GALNT13: variants seen among roughly 807,000 people sequenced by gnomAD.
The protein encoded by GALNT13 is UDP-GalNAc:polypeptide N-acetylgalactosaminyltransferase 13.
GALNT13 carries 28 observed loss-of-function variants against 64.2 expected under a neutral mutation model. The observed-to-expected ratio is 0.44, with a 90% CI of 0.32 to 0.60. GALNT13 has a LOEUF of 0.60. GALNT13 is among the 20% of genes least tolerant of loss of function. The pLI, the probability that GALNT13 is intolerant of heterozygous loss-of-function variation, is 0.05. For synonymous variants in GALNT13, 214 were observed against 224.6 expected, an observed-to-expected ratio of 0.95 and a Z score of 0.42; for missense variants, 577 against 669.8, an observed-to-expected ratio of 0.86 and a Z score of 1.53.
the GALNT13 span, among the ~76,000 whole-genome samples, chr2:153,569,748 TAGTC>T: frequency 2.0e-5 from 3 of 152,158 alleles, no homozygotes; most frequent in Non-Finnish European, 4.4e-5. Context: ...TTATTAACTA[TAGTC>T]ACTCTGTTAT....
intron 7 of GALNT13, among the ~76,000 whole-genome samples, chr2:154,258,401 G>A (rs529276907): frequency 2.2e-4 from 33 of 151,604 alleles, no homozygotes; most frequent in Non-Finnish European, 3.2e-4. Flanking sequence ...AAATCCTATG[G>A]GATATATGTT....
At chr2:154,069,543 T>C (rs1248820278) in intron 3 of GALNT13, among the ~76,000 whole-genome samples, 1 of 152,024 alleles carries the variant, frequency 6.6e-6, no homozygotes, top group Non-Finnish European at 1.5e-5. Context: ...TTCTAATCTA[T>C]ATTTAAGCAT....
At chr2:153,607,015 A>C in the GALNT13 span, among the ~76,000 whole-genome samples, 1 of 151,946 alleles carries the variant, frequency 6.6e-6, no homozygotes, top group Non-Finnish European at 1.5e-5. Context: ...ATGTTCTTTA[A>C]AGTCCCCAGG....
chr2:153,724,069 T>A, the GALNT13 span, among the ~76,000 whole-genome samples: 24 of 144,330 alleles, frequency 1.7e-4, no homozygotes, highest in South Asian at 9.2e-4. Flanking sequence ...ACAAGGCTAC[T>A]GTAACCAAAA....
intron 8 of GALNT13, among the ~76,000 whole-genome samples, chr2:154,288,116 T>C (rs1692381573): frequency 6.6e-6 from 1 of 152,138 alleles, no homozygotes; most frequent in Non-Finnish European, 1.5e-5. Context: ...ACAATCATGG[T>C]GGAAGGCAAA....
chr2:153,889,083 T>G (rs1687375701), intron 1 of GALNT13, among the ~76,000 whole-genome samples: 1 of 151,606 alleles, frequency 6.6e-6, no homozygotes, highest in Admixed American at 6.6e-5. Context: ...TGTGCTTTTC[T>G]GCAAAGCGCT....
chr2:153,634,143 C>A, the GALNT13 span, among the ~76,000 whole-genome samples: 2 of 151,998 alleles, frequency 1.3e-5, no homozygotes, highest in Non-Finnish European at 2.9e-5. Flanking sequence ...TAGTCCAGAA[C>A]CACCGGGAAA....
chr2:153,630,781 ATATATATATATATATATATATATATAT>A, the GALNT13 span, among the ~76,000 whole-genome samples: 6 of 8,826 alleles, frequency 6.8e-4, no homozygotes, highest in South Asian at 8.5e-3. Flanking sequence ...ATATATATAT[ATATATATATATATATATATATATATAT>A]TTTTTTTTTT....
the GALNT13 span, among the ~76,000 whole-genome samples, chr2:153,659,159 A>G: frequency 6.6e-6 from 1 of 152,132 alleles, no homozygotes; most frequent in Non-Finnish European, 1.5e-5. Flanking sequence ...GGGAAATTCA[A>G]CCATCAATTA....
the GALNT13 span, among the ~76,000 whole-genome samples, chr2:153,536,959 G>A: frequency 6.6e-6 from 1 of 152,206 alleles, no homozygotes; most frequent in Non-Finnish European, 1.5e-5. Context: ...ACATAGTTAT[G>A]TACATTTAGT....
chr2:153,570,444 GA>G, the GALNT13 span, among the ~76,000 whole-genome samples: 1 of 152,148 alleles, frequency 6.6e-6, no homozygotes, highest in African/African-American at 2.4e-5. Flanking sequence ...TTGCTGTGCA[GA>G]AGCTTTTTAA....
the GALNT13 span, among the ~76,000 whole-genome samples, chr2:153,285,134 C>T: frequency 5.3e-5 from 8 of 151,670 alleles, no homozygotes; most frequent in South Asian, 2.1e-4. Flanking sequence ...CTTCACAGGG[C>T]GGCAGGAGAG....
the GALNT13 span, among the ~76,000 whole-genome samples, chr2:153,712,253 T>C: frequency 1.3e-5 from 2 of 152,184 alleles, no homozygotes; most frequent in African/African-American, 4.8e-5. Flanking sequence ...AGTTATGCTA[T>C]TAGATGTGAC....
At chr2:153,609,295 C>T in the GALNT13 span, among the ~76,000 whole-genome samples, 2 of 152,118 alleles carry the variant, frequency 1.3e-5, no homozygotes, top group East Asian at 3.9e-4. Context: ...CAACCTCTAC[C>T]TTTTTCTGAC....
the GALNT13 span, among the ~76,000 whole-genome samples, chr2:153,670,058 C>G: frequency 1.3e-5 from 2 of 152,174 alleles, no homozygotes; most frequent in African/African-American, 2.4e-5. Context: ...CTGGGCAGAG[C>G]CCACTGCAGT....
At chr2:153,997,748 C>T (rs920825728) in intron 3 of GALNT13, among the ~76,000 whole-genome samples, 14 of 152,084 alleles carry the variant, frequency 9.2e-5, no homozygotes, top group African/African-American at 3.4e-4. Flanking sequence ...CACCCATCAA[C>T]CTGTCATCTA....
At chr2:154,214,157 ACT>A (rs1559029153) in intron 4 of GALNT13, among the ~76,000 whole-genome samples, 1 of 152,146 alleles carries the variant, frequency 6.6e-6, no homozygotes, top group Non-Finnish European at 1.5e-5. Context: ...TCAGTGACTA[ACT>A]CTACCATTGT....
chr2:153,632,076 T>G, the GALNT13 span, among the ~76,000 whole-genome samples: 3 of 152,166 alleles, frequency 2.0e-5, no homozygotes, highest in Non-Finnish European at 4.4e-5. Flanking sequence ...ATTATCAAGC[T>G]CTAATCTGAA....
the GALNT13 span, among the ~76,000 whole-genome samples, chr2:153,538,341 T>C: frequency 2.9e-5 from 4 of 140,134 alleles, no homozygotes; most frequent in African/African-American, 1.1e-4. Context: ...TTTTTTTTTT[T>C]TTACTTTTTT....
Sources: gnomAD v4.1 joint callset for allele counts (sites outside exome capture counted in the v4.1 genomes callset) on GRCh38, gnomAD v4.1.1 for gene constraint, MANE v1.5 for transcripts, NCBI Gene and HGNC (gene_info 2026-07-23, HGNC 2026-07-21) for gene names.